SLC1A2: variants seen among roughly 807,000 people sequenced by gnomAD.
SLC1A2 encodes the protein excitatory amino acid transporter 2.
Under a neutral mutation model 48.8 loss-of-function variants are expected in SLC1A2, and 15 were observed. The observed-to-expected ratio is 0.31, with a 90% CI of 0.21 to 0.47. The LOEUF is 0.47. Among genes scored for constraint, SLC1A2 ranks in the 20% least tolerant of loss-of-function variants. The probability of loss-of-function intolerance (pLI) is 0.99; values close to 1 mark genes in which losing one functional copy is unlikely to be tolerated. For missense variants in SLC1A2, 502 were observed against 730.5 expected, an observed-to-expected ratio of 0.69 and a Z score of 3.61; for synonymous variants, 279 against 272.6, an observed-to-expected ratio of 1.02 and a Z score of -0.23.
chr11:35,309,626 T>C (rs3843609), intron 4 of SLC1A2, among the ~76,000 whole-genome samples: 111,262 of 152,044 alleles, frequency 0.73, 41,031 homozygotes, highest in East Asian at 0.93. Context: ...CTCTTTACAT[T>C]TCTGTTTCTA....
chr11:35,303,230 A>T (rs1298786631), intron 5 of SLC1A2, among the ~76,000 whole-genome samples: 1 of 151,958 alleles, frequency 6.6e-6, no homozygotes, highest in Non-Finnish European at 1.5e-5. Context: ...TAACCCACTA[A>T]CCTCTTTACA....
intron 9 of SLC1A2, among the ~76,000 whole-genome samples, chr11:35,272,385 C>T (rs768449351): frequency 4.6e-5 from 7 of 152,152 alleles, no homozygotes; most frequent in Non-Finnish European, 1.0e-4. Flanking sequence ...AATACAGAGC[C>T]CTCTCATGCC....
At chr11:35,353,032 T>C (rs1221383460) in intron 1 of SLC1A2, among the ~76,000 whole-genome samples, 1 of 152,186 alleles carries the variant, frequency 6.6e-6, no homozygotes, top group African/African-American at 2.4e-5. Flanking sequence ...TGTCCTTGCT[T>C]CTAAGATAGG....
chr11:35,350,550 C>T (rs1234795138), intron 1 of SLC1A2, among the ~76,000 whole-genome samples: 1 of 152,206 alleles, frequency 6.6e-6, no homozygotes, highest in African/African-American at 2.4e-5. Flanking sequence ...AAACCCAGGT[C>T]TCTCCAGTCA....
intron 1 of SLC1A2, among the ~76,000 whole-genome samples, chr11:35,400,012 T>C (rs564634206): frequency 1.9e-4 from 29 of 152,282 alleles, no homozygotes; most frequent in African/African-American, 6.5e-4. Context: ...CCCAGAGCCA[T>C]TTGATATCAC....
chr11:35,268,771 A>G (rs1850180850), intron 9 of SLC1A2, among the ~76,000 whole-genome samples: 1 of 152,212 alleles, frequency 6.6e-6, no homozygotes, highest in South Asian at 2.1e-4. Flanking sequence ...CGTATTTACT[A>G]GATGACAGAA....
At chr11:35,332,035 T>C (rs1490730190) in intron 1 of SLC1A2, among the ~76,000 whole-genome samples, 1 of 152,094 alleles carries the variant, frequency 6.6e-6, no homozygotes, top group Non-Finnish European at 1.5e-5. Flanking sequence ...CAGGACCTTA[T>C]CAGCTTAAGC....
At chr11:35,318,368 G>C (rs1851949717) in intron 1 of SLC1A2, among the ~76,000 whole-genome samples, 1 of 152,102 alleles carries the variant, frequency 6.6e-6, no homozygotes, top group African/African-American at 2.4e-5. Context: ...ATTGCCATAG[G>C]GAGGCCAATT....
At chr11:35,321,421 G>A (rs1367517591) in intron 1 of SLC1A2, among the ~76,000 whole-genome samples, 2 of 151,824 alleles carry the variant, frequency 1.3e-5, no homozygotes, top group Non-Finnish European at 2.9e-5. Flanking sequence ...AGAAATGAGG[G>A]GTTTCTTCAA....
chr11:35,354,704 G>A (rs1853392757), intron 1 of SLC1A2, among the ~76,000 whole-genome samples: 1 of 152,104 alleles, frequency 6.6e-6, no homozygotes, highest in Non-Finnish European at 1.5e-5. Flanking sequence ...AGATGTCAGG[G>A]AGGCAGAAGG....
chr11:35,332,197 A>G (rs966739077), intron 1 of SLC1A2, among the ~76,000 whole-genome samples: 1 of 152,202 alleles, frequency 6.6e-6, no homozygotes, highest in Non-Finnish European at 1.5e-5. Flanking sequence ...TCATGACTTG[A>G]ATTTTTATGC....
At position 35,345,674 on chromosome 11, in the gene SLC1A2, A is replaced by T. The variant is rs529768232; in HGVS notation, c.18-28158T>A. 3.3e-5 allele frequency among the ~76,000 whole-genome samples: 5 copies of T among 151,824 alleles called. No individual in the cohort carries two copies. The East Asian group carries it at 9.8e-4, about 30-fold the overall frequency. On this transcript the variant is annotated intron_variant, in intron 1 of 10. Coordinates refer to ENST00000278379, the MANE Select transcript of SLC1A2 (RefSeq NM_004171.4). ...GCAGAGGTTACCAGAGTTAACTATA[A>T]CCCCTTCACCAACCAGACTCTTTCC...
intron 10 of SLC1A2, among the ~76,000 whole-genome samples, chr11:35,263,198 G>C (rs1423849000): frequency 6.6e-6 from 1 of 152,190 alleles, no homozygotes; most frequent in Non-Finnish European, 1.5e-5. Context: ...AGGTGCAGTG[G>C]CTCACGCCTG....
chr11:35,400,997 G>T (rs1034837605), intron 1 of SLC1A2, among the ~76,000 whole-genome samples: 1 of 152,192 alleles, frequency 6.6e-6, no homozygotes. Context: ...CTGGAAGCAA[G>T]GAGGTGGGTG....
At chr11:35,388,841 T>A (rs1344554323) in intron 1 of SLC1A2, among the ~76,000 whole-genome samples, 1 of 152,190 alleles carries the variant, frequency 6.6e-6, no homozygotes, top group Non-Finnish European at 1.5e-5. Flanking sequence ...ATGAACTAAT[T>A]CAGAAGCACA....
At chr11:35,281,199 T>C (rs545541622) in intron 8 of SLC1A2, among the ~76,000 whole-genome samples, 198 bp from the exon 9 acceptor site, 16 of 152,158 alleles carry the variant, frequency 1.1e-4, no homozygotes, top group Non-Finnish European at 2.1e-4. Context: ...TGGGTACTGC[T>C]CAACTATGAT....
chr11:35,322,538 G>C, intron 1 of SLC1A2: 1 of 1,384,398 alleles, frequency 7.2e-7, no homozygotes, highest in Non-Finnish European at 9.9e-7. Flanking sequence ...GAGGATGTGA[G>C]GTTTGCAATG....
chr11:35,349,990 C>T (rs1033798426), intron 1 of SLC1A2, among the ~76,000 whole-genome samples: 1 of 152,168 alleles, frequency 6.6e-6, no homozygotes, highest in African/African-American at 2.4e-5. Flanking sequence ...CACTTAACAG[C>T]TAAGAAACTT....
At chr11:35,345,790 T>C (rs1853008063) in intron 1 of SLC1A2, among the ~76,000 whole-genome samples, 1 of 152,212 alleles carries the variant, frequency 6.6e-6, no homozygotes, top group Non-Finnish European at 1.5e-5. Flanking sequence ...AAAAATACAA[T>C]GATGAATATG....
Sources: gnomAD v4.1 joint callset for allele counts (sites outside exome capture counted in the v4.1 genomes callset) on GRCh38, gnomAD v4.1.1 for gene constraint, MANE v1.5 for transcripts, NCBI Gene and HGNC (gene_info 2026-07-23, HGNC 2026-07-21) for gene names.